Variants in SPMIP3 observed in about 807,000 individuals in gnomAD.
The protein encoded by SPMIP3 is sperm microtubule inner protein 3, also known as protein SPMIP3.
chr1:244,387,292 C>T, the SPMIP3 span, among the ~76,000 whole-genome samples: 8 of 149,558 alleles, frequency 5.3e-5, no homozygotes, highest in South Asian at 2.1e-4. Flanking sequence ...AGTACGACTC[C>T]GTCTGAAAAA....
At chr1:244,362,466 G>A in the SPMIP3 span, among the ~76,000 whole-genome samples, 1 of 152,198 alleles carries the variant, frequency 6.6e-6, no homozygotes, top group Non-Finnish European at 1.5e-5. Flanking sequence ...GTTGCTGGGA[G>A]GCTAATAGGA....
At chr1:244,379,053 T>C in the SPMIP3 span, among the ~76,000 whole-genome samples, 6 of 151,918 alleles carry the variant, frequency 3.9e-5, no homozygotes, top group Non-Finnish European at 8.8e-5. Context: ...CTCAGCCTCC[T>C]GAGTAGCTGG....
the SPMIP3 span, among the ~76,000 whole-genome samples, chr1:244,383,074 G>A: frequency 6.6e-6 from 1 of 152,044 alleles, no homozygotes; most frequent in Admixed American, 6.6e-5. Flanking sequence ...AACTGGACTT[G>A]GTGATATATT....
At chr1:244,389,420 T>C in the SPMIP3 span, 2 of 165,032 alleles carry the variant, frequency 1.2e-5, no homozygotes, top group Non-Finnish European at 1.3e-5. Context: ...CGGGGGGACA[T>C]GGCCAATTAT....
chr1:244,367,392 G>A, the SPMIP3 span, among the ~76,000 whole-genome samples: 1 of 152,172 alleles, frequency 6.6e-6, no homozygotes, highest in Non-Finnish European at 1.5e-5. Flanking sequence ...AGGCAATGGT[G>A]AGCTGGACCA....
At chr1:244,381,216 G>T in the SPMIP3 span, among the ~76,000 whole-genome samples, 2 of 152,072 alleles carry the variant, frequency 1.3e-5, no homozygotes, top group East Asian at 3.9e-4. Context: ...AGAAGAGGTG[G>T]CCAGAAAGCA....
chr1:244,355,634 C>A, the SPMIP3 span, among the ~76,000 whole-genome samples: 1 of 152,194 alleles, frequency 6.6e-6, no homozygotes, highest in African/African-American at 2.4e-5. Flanking sequence ...GATTTGCCAG[C>A]CTCGGCCTCC....
the SPMIP3 span, among the ~76,000 whole-genome samples, chr1:244,377,200 C>T: frequency 1.3e-5 from 2 of 150,742 alleles, no homozygotes. Flanking sequence ...CAGCTCACTG[C>T]AAGCTCCGCC....
the SPMIP3 span, among the ~76,000 whole-genome samples, chr1:244,354,536 A>G: frequency 6.6e-6 from 1 of 151,930 alleles, no homozygotes; most frequent in Non-Finnish European, 1.5e-5. Context: ...GTGTGTGTGT[A>G]TTTTTAGTAG....
At chr1:244,385,264 A>C in the SPMIP3 span, among the ~76,000 whole-genome samples, 30 of 152,326 alleles carry the variant, frequency 2.0e-4, no homozygotes, top group African/African-American at 7.2e-4. Flanking sequence ...ATTTATGTTC[A>C]GTTCTCTGAG....
At chr1:244,382,665 G>A in the SPMIP3 span, among the ~76,000 whole-genome samples, 6 of 145,380 alleles carry the variant, frequency 4.1e-5, no homozygotes, top group East Asian at 2.1e-4. Flanking sequence ...GTGCAGTGGC[G>A]CAATCTCATC....
At chr1:244,387,119 A>G in the SPMIP3 span, among the ~76,000 whole-genome samples, 8 of 152,184 alleles carry the variant, frequency 5.3e-5, no homozygotes, top group African/African-American at 1.9e-4. Flanking sequence ...CCTGGCCAAC[A>G]TGGCAAAACC....
chr1:244,360,553 CACACAT>C, the SPMIP3 span, among the ~76,000 whole-genome samples: 1 of 54,220 alleles, frequency 1.8e-5, no homozygotes, highest in Middle Eastern at 7.8e-3. Context: ...CACACACACA[CACACAT>C]GCATGCATGG....
At chr1:244,359,205 G>A in the SPMIP3 span, among the ~76,000 whole-genome samples, 4 of 150,676 alleles carry the variant, frequency 2.7e-5, no homozygotes, top group East Asian at 1.9e-4. Context: ...TCTAAAGATC[G>A]GTAACCACTC....
At chr1:244,382,009 A>T in the SPMIP3 span, among the ~76,000 whole-genome samples, 1 of 152,226 alleles carries the variant, frequency 6.6e-6, no homozygotes, top group Admixed American at 6.5e-5. Flanking sequence ...CAGTGTGCAG[A>T]GGATTACACA....
chr1:244,365,014 G>T, the SPMIP3 span, among the ~76,000 whole-genome samples: 1 of 152,200 alleles, frequency 6.6e-6, no homozygotes, highest in Non-Finnish European at 1.5e-5. Flanking sequence ...CTTACGAACA[G>T]AAGCCATATA....
chr1:244,362,792 TC>T, the SPMIP3 span, among the ~76,000 whole-genome samples: 2 of 150,910 alleles, frequency 1.3e-5, no homozygotes. Context: ...TATGCCTTTG[TC>T]CCCCAGCCAC....
chr1:244,369,246 G>A, the SPMIP3 span, among the ~76,000 whole-genome samples: 169 of 152,364 alleles, frequency 1.1e-3, no homozygotes, highest in African/African-American at 3.9e-3. Flanking sequence ...GAAGGGCTGG[G>A]TGTGGCATTG....
chr1:244,387,771 G>C, the SPMIP3 span, among the ~76,000 whole-genome samples: 1 of 152,176 alleles, frequency 6.6e-6, no homozygotes, highest in Non-Finnish European at 1.5e-5. Flanking sequence ...GCCTGGACCA[G>C]GGTGTGATGG....
Sources: gnomAD v4.1 joint callset for allele counts (sites outside exome capture counted in the v4.1 genomes callset) on GRCh38, gnomAD v4.1.1 for gene constraint, MANE v1.5 for transcripts, NCBI Gene and HGNC (gene_info 2026-07-23, HGNC 2026-07-21) for gene names.